PCDH15: variants seen among roughly 807,000 people sequenced by gnomAD.
PCDH15 encodes protocadherin related 15.
In PCDH15, 129 loss-of-function variants were observed where a neutral mutation model predicts 178.5. The observed-to-expected ratio is 0.72, with a 90% CI of 0.63 to 0.84. The LOEUF is 0.84. PCDH15 is among the 40% of genes least tolerant of loss of function. The probability of loss-of-function intolerance (pLI) is 0.00; values close to 1 mark genes in which losing one functional copy is unlikely to be tolerated. For missense variants in PCDH15, 2,230 were observed against 2,099.9 expected (o/e 1.06, Z -1.21); for synonymous variants, 800 against 732.0 (o/e 1.09, Z -1.50).
intron 2 of PCDH15, among the ~76,000 whole-genome samples, chr10:55,613,730 T>C (rs1196631982): frequency 1.3e-5 from 2 of 152,208 alleles, no homozygotes; most frequent in Non-Finnish European, 2.9e-5. Context: ...TAGAAAGTCA[T>C]AGCCTCGTAG....
intron 23 of PCDH15, among the ~76,000 whole-genome samples, chr10:53,946,329 T>C (rs2086570980): frequency 1.3e-5 from 2 of 152,124 alleles, no homozygotes; most frequent in South Asian, 4.1e-4. Context: ...TCCCTTAGGA[T>C]CAGTTATTAG....
At chr10:54,147,150 C>G (rs73243517) in intron 14 of PCDH15, among the ~76,000 whole-genome samples, 1 of 151,020 alleles carries the variant, frequency 6.6e-6, no homozygotes, top group Non-Finnish European at 1.5e-5. Flanking sequence ...AGGATTAACT[C>G]CTCTCCAGAA....
chr10:53,926,932 T>C (rs998541816), intron 25 of PCDH15, among the ~76,000 whole-genome samples: 5 of 152,200 alleles, frequency 3.3e-5, no homozygotes, highest in Admixed American at 2.0e-4. Context: ...ACGTATCCCC[T>C]TACAGCACTT....
At chr10:54,705,699 T>C (rs943067246) in intron 1 of PCDH15, among the ~76,000 whole-genome samples, 1 of 152,156 alleles carries the variant, frequency 6.6e-6, no homozygotes, top group African/African-American at 2.4e-5. Flanking sequence ...TAGATTATCA[T>C]GAACATTTTA....
chr10:54,911,923 G>A (rs1954825768), intron 2 of PCDH15, among the ~76,000 whole-genome samples: 1 of 152,158 alleles, frequency 6.6e-6, no homozygotes, highest in Non-Finnish European at 1.5e-5. Flanking sequence ...CCAGTCTCAA[G>A]TAGTATCTTT....
intron 2 of PCDH15, among the ~76,000 whole-genome samples, chr10:54,660,169 G>T (rs1011115848): frequency 1.3e-5 from 2 of 152,098 alleles, no homozygotes. Flanking sequence ...AAATAAAATT[G>T]ATAAGACTGC....
chr10:54,848,777 T>C (rs1564566251), intron 3 of PCDH15, among the ~76,000 whole-genome samples: 1 of 152,210 alleles, frequency 6.6e-6, no homozygotes, highest in African/African-American at 2.4e-5. Flanking sequence ...ATTTATTTCA[T>C]TCAATCTTCA....
At chr10:53,831,762 TG>T (rs2077031414) in intron 29 of PCDH15, among the ~76,000 whole-genome samples, 1 of 152,170 alleles carries the variant, frequency 6.6e-6, no homozygotes, top group Non-Finnish European at 1.5e-5. Flanking sequence ...ACACAGCTCT[TG>T]ATCTGCTTAT....
intron 23 of PCDH15, among the ~76,000 whole-genome samples, chr10:53,943,500 A>C (rs930348907): frequency 3.4e-5 from 5 of 148,496 alleles, no homozygotes; most frequent in African/African-American, 1.3e-4. Flanking sequence ...AAACAAACAA[A>C]CAAAAAAAAC....
At chr10:55,269,302 A>G (rs1446444588) in intron 1 of PCDH15, among the ~76,000 whole-genome samples, 2 of 105,194 alleles carry the variant, frequency 1.9e-5, no homozygotes, top group Non-Finnish European at 3.4e-5. Flanking sequence ...CAAGAGAAAG[A>G]AAAAAAAAGG....
intron 2 of PCDH15, among the ~76,000 whole-genome samples, chr10:55,614,462 T>C (rs1255211578): frequency 6.6e-6 from 1 of 152,306 alleles, no homozygotes; most frequent in East Asian, 1.9e-4. Flanking sequence ...AGGAATTTGT[T>C]CTACTGTTTT....
chr10:54,702,843 C>T (rs184569513), intron 1 of PCDH15, among the ~76,000 whole-genome samples: 2 of 152,144 alleles, frequency 1.3e-5, no homozygotes, highest in African/African-American at 2.4e-5. Flanking sequence ...GCAACTCCTC[C>T]TCACTGATTC....
At position 55,071,207 on chromosome 10, in the gene PCDH15, C is replaced by A. The variant is rs538311028; in HGVS notation, c.-80+95369G>T. ...TGAATCAACTAATGAGCAAAATAAC[C>A]AGCTAACATCATAATTACAGGATCA... is the stretch of plus-strand genomic sequence containing the variant. On this transcript the variant is annotated intron_variant, in intron 2 of 5. Transcript: ENST00000458638. Among the ~76,000 whole-genome samples the A allele has an allele frequency of 2.0e-5, 3 of 152,212 alleles. No homozygotes were observed. The East Asian group carries it at 5.8e-4, about 29-fold the overall frequency.
chr10:55,475,723 A>G (rs1352861022), intron 2 of PCDH15, among the ~76,000 whole-genome samples: 1 of 152,164 alleles, frequency 6.6e-6, no homozygotes, highest in Non-Finnish European at 1.5e-5. Context: ...CTCATTATGT[A>G]TATGCAAATA....
At chr10:55,359,720 G>GTATATATATATATATATATATATA (rs57949952) in intron 2 of PCDH15, among the ~76,000 whole-genome samples, 1 of 112,912 alleles carries the variant, frequency 8.9e-6, no homozygotes, top group African/African-American at 3.8e-5. Context: ...AAAATGTGGT[G>GTATATATATATATATATATATATA]TATATATATA....
intron 2 of PCDH15, among the ~76,000 whole-genome samples, chr10:55,094,881 A>AAAT (rs1231974080): frequency 6.6e-6 from 1 of 151,890 alleles, no homozygotes; most frequent in Admixed American, 6.6e-5. Flanking sequence ...AATATACCCA[A>AAAT]AATGACATGA....
chr10:54,343,147 C>A (rs1463613482), intron 6 of PCDH15, among the ~76,000 whole-genome samples: 1 of 151,954 alleles, frequency 6.6e-6, no homozygotes, highest in Non-Finnish European at 1.5e-5. Context: ...TGGAAGAGGC[C>A]ATGGTTGGAA....
intron 3 of PCDH15, among the ~76,000 whole-genome samples, chr10:54,895,225 C>T (rs765554728): frequency 6.6e-6 from 1 of 152,110 alleles, no homozygotes; most frequent in Non-Finnish European, 1.5e-5. Flanking sequence ...ATTCCTCTTC[C>T]CCTAAAAGTC....
At chr10:54,384,318 T>TCC (rs34172941) in intron 3 of PCDH15, among the ~76,000 whole-genome samples, 2 of 45,140 alleles carry the variant, frequency 4.4e-5, no homozygotes, top group Admixed American at 3.3e-4. Context: ...AAGCTGAAGA[T>TCC]CCCCCCCCTT....
Sources: gnomAD v4.1 joint callset for allele counts (sites outside exome capture counted in the v4.1 genomes callset) on GRCh38, gnomAD v4.1.1 for gene constraint, MANE v1.5 for transcripts, NCBI Gene and HGNC (gene_info 2026-07-23, HGNC 2026-07-21) for gene names.